The following TNKS variants were observed in gnomAD, a reference collection of about 807,000 sequenced individuals.
TNKS encodes the protein poly [ADP-ribose] polymerase tankyrase-1.
TNKS carries 72 observed loss-of-function variants against 135.8 expected under a neutral mutation model. The ratio of observed to expected loss-of-function variants is 0.53; its 90% CI spans 0.44 to 0.64. TNKS has a LOEUF of 0.64. Among genes scored for constraint, TNKS ranks in the 30% least tolerant of loss-of-function variants. The pLI is 0.00. For synonymous variants in TNKS, 849 were observed against 649.3 expected, an observed-to-expected ratio of 1.31 and a Z score of -4.68; for missense variants, 1,769 against 1,674.0, an observed-to-expected ratio of 1.06 and a Z score of -0.99.
chr8:9,752,450 C>A, intron 19 of TNKS, 94 bp from the exon 20 acceptor site: 2 of 832,012 alleles, frequency 2.4e-6, no homozygotes, highest in Non-Finnish European at 1.9e-6. Flanking sequence ...CATCTGACAG[C>A]CAAGGTTGTC....
chr8:9,583,543 C>T (rs996463049), intron 2 of TNKS, among the ~76,000 whole-genome samples: 7 of 151,846 alleles, frequency 4.6e-5, no homozygotes, highest in Non-Finnish European at 7.4e-5. Flanking sequence ...GGCTGGAGTG[C>T]GGTGGCGCGA....
At chr8:9,679,874 C>T (rs1802706677) in intron 3 of TNKS, 77 bp from the exon 4 acceptor site, 3 of 1,187,860 alleles carry the variant, frequency 2.5e-6, no homozygotes, top group South Asian at 2.5e-5. Context: ...CTATTTAATT[C>T]TCTATTTGCT....
In TNKS at chr8:9,780,648, C is replaced by G. The variant is rs988424119; in HGVS notation, c.*3912C>G. On this transcript the variant is annotated 3_prime_UTR_variant, in exon 27 of 27. Transcript: ENST00000310430. ...ATTAAATTTTTCCCCTCTAGAAAGCCTTAACTATGGCGGAAACTTTTTAAC... is the reference window on the plus strand; with the variant it reads ...ATTAAATTTTTCCCCTCTAGAAAGCGTTAACTATGGCGGAAACTTTTTAAC... 1.3e-5 allele frequency: 2 copies of G among 152,168 alleles called. No individual in the cohort carries two copies. The highest frequency in any genetic ancestry group is 2.9e-5 in the Non-Finnish European group (2 of 68,040). The allele number at this position is 152,168 out of a possible 1,614,324, so 9.4% of individuals were successfully genotyped here.
chr8:9,679,166 C>T (rs1050806430), intron 3 of TNKS, among the ~76,000 whole-genome samples: 1 of 152,080 alleles, frequency 6.6e-6, no homozygotes, highest in Non-Finnish European at 1.5e-5. Flanking sequence ...ACCCATGTCG[C>T]AGTAGTTAGA....
At chr8:9,665,703 C>G (rs1801951817) in intron 3 of TNKS, among the ~76,000 whole-genome samples, 1 of 152,128 alleles carries the variant, frequency 6.6e-6, no homozygotes, top group South Asian at 2.1e-4. Context: ...CACTGTTAAC[C>G]TCTACTGGTC....
At chr8:9,556,855 C>T (rs1815338820) in intron 1 of TNKS, 2 of 583,592 alleles carry the variant, frequency 3.4e-6, no homozygotes, top group South Asian at 4.5e-5. Context: ...ACAAAACTCA[C>T]TGTAGTTGGT....
intron 18 of TNKS, 79 bp downstream of exon 18, chr8:9,748,291 AC>A: frequency 8.1e-7 from 1 of 1,239,982 alleles, no homozygotes; most frequent in Non-Finnish European, 1.0e-6. Context: ...TCACCAGCTT[AC>A]TTTTAGTCGT....
At chr8:9,704,848 T>G (rs1242073596) in intron 6 of TNKS, 91 bp downstream of exon 6, 4 of 915,870 alleles carry the variant, frequency 4.4e-6, no homozygotes, top group Non-Finnish European at 6.7e-6. Flanking sequence ...TATGTCCCAT[T>G]TGTTACGGCT....
chr8:9,730,755 T>A lies in TNKS; in HGVS notation c.2002-135T>A, dbSNP rs1805396662. On this transcript the variant is annotated intron_variant, in intron 13 of 26. Coordinates refer to ENST00000310430, the MANE Select transcript of TNKS (RefSeq NM_003747.3). ...TGCTGATTTCTAAACATTTGTATTG[T>A]CTAATCTTTGGAAATAAATATTCAT... is the stretch of plus-strand genomic sequence containing the variant. The A allele has an allele frequency of 2.9e-6, 3 of 1,040,044 alleles. No individual in the cohort carries two copies. The South Asian group carries it at 5.2e-5, about 18-fold the overall frequency. 64.4% of individuals were successfully genotyped at this position (1,040,044 alleles called of 1,614,324 possible).
At chr8:9,752,750 T>C in intron 20 of TNKS, 124 bp downstream of exon 20, 1 of 588,160 alleles carries the variant, frequency 1.7e-6, no homozygotes, top group East Asian at 3.2e-5. Flanking sequence ...AGCCCAGGAG[T>C]TTGAGACCAG....
At chr8:9,678,432 A>G (rs1413687540) in intron 3 of TNKS, among the ~76,000 whole-genome samples, 1 of 152,256 alleles carries the variant, frequency 6.6e-6, no homozygotes, top group Admixed American at 6.5e-5. Context: ...AATCTGAAAT[A>G]CAATTTATGG....
intron 18 of TNKS, 126 bp downstream of exon 18, chr8:9,748,338 T>G: frequency 1.2e-6 from 1 of 846,634 alleles, no homozygotes; most frequent in Non-Finnish European, 1.6e-6. Context: ...TTCTGAAAAT[T>G]TTTGAAGTTC....
At chr8:9,688,594 G>C (rs1387494762) in intron 5 of TNKS, among the ~76,000 whole-genome samples, 1 of 152,100 alleles carries the variant, frequency 6.6e-6, no homozygotes, top group Non-Finnish European at 1.5e-5. Context: ...TTAGGTTCCA[G>C]CATGGTCAGA....
intron 20 of TNKS, among the ~76,000 whole-genome samples, chr8:9,759,107 C>G (rs1027691682): frequency 3.3e-5 from 5 of 152,186 alleles, no homozygotes; most frequent in Non-Finnish European, 7.3e-5. Context: ...CTAGTCACTT[C>G]TCATCACCAT....
At chr8:9,752,970 A>G (rs1309668090) in intron 20 of TNKS, among the ~76,000 whole-genome samples, 1 of 151,674 alleles carries the variant, frequency 6.6e-6, no homozygotes, top group Admixed American at 6.6e-5. Context: ...ATCTCGAAAA[A>G]AAAAAAAAAA....
At chr8:9,773,328 A>C (rs1000336748) in intron 26 of TNKS, among the ~76,000 whole-genome samples, 4 of 151,988 alleles carry the variant, frequency 2.6e-5, no homozygotes, top group African/African-American at 9.7e-5. Flanking sequence ...TTTAACATTT[A>C]CATAATATAT....
At chr8:9,612,622 T>A (rs1158847952) in intron 2 of TNKS, among the ~76,000 whole-genome samples, 2 of 152,136 alleles carry the variant, frequency 1.3e-5, no homozygotes, top group Admixed American at 1.3e-4. Flanking sequence ...TCAAAGTCCT[T>A]AAGTAAGATT....
rs1208964098 is a variant in TNKS at position 9,556,537 on chromosome 8, A to G, written c.598A>G (p.Arg200Gly). ...CRNGDVSRVK[R>G]LVDAANVNAK... The stretch of plus-strand genomic sequence containing the variant: ...CAATGGGGACGTGTCCCGGGTAAAG[A>G]GGCTGGTGGACGCGGCAAACGTAAA... Residue 200 changes from arginine (R) to glycine (G), a missense_variant, in exon 1 of 27, where the codon AGG becomes GGG. By Grantham distance (125) the Arg-to-Gly change is moderately radical. This residue lies in a region of TNKS where 450 missense variants were observed against 304.9 expected (regional missense o/e 1.48). Coordinates refer to ENST00000310430, the MANE Select transcript of TNKS (RefSeq NM_003747.3). 2 of 1,614,030 alleles carry G rather than the reference A, an allele frequency of 1.2e-6. No individual in the cohort carries two copies. The highest frequency in any genetic ancestry group is 4.5e-5 in the East Asian group (2 of 44,882).
At chr8:9,604,672 T>C (rs1434641567) in intron 2 of TNKS, among the ~76,000 whole-genome samples, 2 of 151,986 alleles carry the variant, frequency 1.3e-5, no homozygotes, top group African/African-American at 4.8e-5. Context: ...ATCCTGTTGG[T>C]GCTTCTTGAA....
Sources: gnomAD v4.1 joint callset for allele counts (sites outside exome capture counted in the v4.1 genomes callset) on GRCh38, gnomAD v4.1.1 for gene constraint, gnomAD v4.1.1 regional missense constraint, MANE v1.5 for transcripts, NCBI Gene and HGNC (gene_info 2026-07-23, HGNC 2026-07-21) for gene names.